Variants in GRID1 observed in about 807,000 individuals in gnomAD.
The protein encoded by GRID1 is glutamate ionotropic receptor delta type subunit 1, also known as glutamate receptor ionotropic, delta-1.
In GRID1, 28 loss-of-function variants were observed where a neutral mutation model predicts 98.0. That is an observed-to-expected ratio of 0.29 (90% CI 0.21 to 0.39). The LOEUF (loss-of-function observed/expected upper bound fraction) is 0.39, where lower values mean the gene tolerates loss of function less well. Ranked by LOEUF, GRID1 falls within the 10% of genes least tolerant of loss-of-function variation. The pLI is 1.00. For missense variants in GRID1, 1,111 were observed against 1,340.5 expected, an observed-to-expected ratio of 0.83 and a Z score of 2.67; for synonymous variants, 553 against 538.5, an observed-to-expected ratio of 1.03 and a Z score of -0.37.
chr10:86,149,270 T>C (rs1404572192), intron 3 of GRID1, among the ~76,000 whole-genome samples: 1 of 152,266 alleles, frequency 6.6e-6, no homozygotes, highest in African/African-American at 2.4e-5. Flanking sequence ...AACAAGTTTC[T>C]GCCTCTAATA....
chr10:85,729,466 C>T (rs746005787), intron 9 of GRID1, 47 bp downstream of exon 9: 6 of 1,084,246 alleles, frequency 5.5e-6, no homozygotes, highest in African/African-American at 3.1e-5. Flanking sequence ...TCTGATTCAA[C>T]AGCCTGGATG....
chr10:85,632,524 C>T (rs531565211), intron 13 of GRID1, among the ~76,000 whole-genome samples: 104 of 150,736 alleles, frequency 6.9e-4, no homozygotes, highest in Non-Finnish European at 1.3e-3. Context: ...GGTGTTGGAA[C>T]AAGGCCCACC....
chr10:85,934,213 GTA>G (rs1197222941), intron 4 of GRID1, among the ~76,000 whole-genome samples: 1 of 152,120 alleles, frequency 6.6e-6, no homozygotes, highest in Non-Finnish European at 1.5e-5. Flanking sequence ...CTTCATGGAG[GTA>G]CTGGGCTGAA....
At chr10:85,932,249 A>G (rs1034319900) in intron 4 of GRID1, among the ~76,000 whole-genome samples, 9 of 152,102 alleles carry the variant, frequency 5.9e-5, no homozygotes, top group African/African-American at 2.2e-4. Flanking sequence ...GTCTCCCTCT[A>G]TCACCCAGGC....
At chr10:86,090,340 G>A (rs927413943) in intron 4 of GRID1, among the ~76,000 whole-genome samples, 1 of 151,934 alleles carries the variant, frequency 6.6e-6, no homozygotes, top group Admixed American at 6.5e-5. Context: ...TTGAACCTGG[G>A]AGGCAGAGGT....
At chr10:85,818,519 A>C (rs1349047536) in intron 8 of GRID1, among the ~76,000 whole-genome samples, 1 of 152,234 alleles carries the variant, frequency 6.6e-6, no homozygotes, top group East Asian at 1.9e-4. Flanking sequence ...AATAAGCCAG[A>C]TACCAATAAA....
At chr10:85,842,741 A>C (rs887941214) in intron 8 of GRID1, among the ~76,000 whole-genome samples, 2 of 152,090 alleles carry the variant, frequency 1.3e-5, no homozygotes, top group African/African-American at 4.8e-5. Context: ...AGAGAAATTT[A>C]ATTTGTAATT....
intron 8 of GRID1, among the ~76,000 whole-genome samples, chr10:85,844,420 TACAC>T (rs55706189): frequency 0.053 from 7,126 of 133,702 alleles, 177 homozygotes; most frequent in East Asian, 0.07. Flanking sequence ...TACAACTAAA[TACAC>T]ACACACACAC....
chr10:85,830,607 A>C (rs1842859540), intron 8 of GRID1, among the ~76,000 whole-genome samples: 1 of 152,156 alleles, frequency 6.6e-6, no homozygotes, highest in Non-Finnish European at 1.5e-5. Flanking sequence ...TAAGGAACTT[A>C]AATGAATTTA....
At chr10:86,005,179 C>T (rs1237584536) in intron 4 of GRID1, among the ~76,000 whole-genome samples, 1 of 152,056 alleles carries the variant, frequency 6.6e-6, no homozygotes, top group Non-Finnish European at 1.5e-5. Context: ...GTACTAGGAT[C>T]ACTGAAAGGA....
chr10:85,636,753 C>A (rs1240233278), intron 13 of GRID1, among the ~76,000 whole-genome samples: 1 of 152,036 alleles, frequency 6.6e-6, no homozygotes, highest in Non-Finnish European at 1.5e-5. Context: ...AATCCACTGA[C>A]AAATAAATAT....
At position 85,704,199 on chromosome 10, in the gene GRID1, T is replaced by C. The variant is rs568524489; in HGVS notation, c.1997+18804A>G. Among the ~76,000 whole-genome samples the C allele has an allele frequency of 6.8e-4, 104 of 152,184 alleles. 1 individual carries two copies. The highest frequency in any genetic ancestry group is 2.5e-3 in the Admixed American group (38 of 15,286). On this transcript the variant is annotated intron_variant, in intron 12 of 15. Transcript: ENST00000327946. ...AAATTGGATAAAGAGTCAAGACCCA[T>C]CAGTGTGCTGTATTCAGGAAACCCA...
chr10:86,281,605 C>A (rs1847357693), intron 2 of GRID1, among the ~76,000 whole-genome samples: 1 of 152,176 alleles, frequency 6.6e-6, no homozygotes, highest in African/African-American at 2.4e-5. Flanking sequence ...TTCAGGAGAG[C>A]CATGCCCAAC....
At chr10:86,295,585 G>A (rs1355611991) in intron 2 of GRID1, among the ~76,000 whole-genome samples, 1 of 152,224 alleles carries the variant, frequency 6.6e-6, no homozygotes, top group Non-Finnish European at 1.5e-5. Flanking sequence ...GATGCGGAAA[G>A]AGAGGGGAAG....
intron 4 of GRID1, among the ~76,000 whole-genome samples, chr10:85,993,345 C>G (rs187570407): frequency 6.6e-6 from 1 of 152,298 alleles, no homozygotes; most frequent in Admixed American, 6.5e-5. Context: ...TCTAATTCTC[C>G]GATCAATGGT....
At chr10:86,205,167 GAGA>G (rs1357311948) in intron 3 of GRID1, among the ~76,000 whole-genome samples, 4 of 152,374 alleles carry the variant, frequency 2.6e-5, no homozygotes, top group East Asian at 1.9e-4. Flanking sequence ...TCCAGTCTTA[GAGA>G]AGAAGAGTAT....
intron 2 of GRID1, among the ~76,000 whole-genome samples, chr10:86,237,622 C>T (rs1393054607): frequency 1.3e-5 from 2 of 152,142 alleles, no homozygotes; most frequent in East Asian, 3.9e-4. Flanking sequence ...ATGGCATGAA[C>T]CCAGGAGGCG....
At position 86,115,444 on chromosome 10, in the gene GRID1, T is replaced by G. The variant is rs1844562093; in HGVS notation, c.726+23375A>C. 2.0e-5 allele frequency among the ~76,000 whole-genome samples: 3 copies of G among 152,350 alleles called. No individual in the cohort carries two copies. The South Asian group carries it at 6.2e-4, about 32-fold the overall frequency. ...AAGTCCCAAGTCTCTCCTGCCTATG[T>G]TAAACACGATAGCAGCTAACACCCC... On this transcript the variant is annotated intron_variant, in intron 4 of 15. Transcript: ENST00000327946.
chr10:86,116,024 C>CT (rs1308215446), intron 4 of GRID1, among the ~76,000 whole-genome samples: 1 of 152,176 alleles, frequency 6.6e-6, no homozygotes, highest in African/African-American at 2.4e-5. Context: ...GAGCGATAGG[C>CT]TGTACCATAA....
Sources: gnomAD v4.1 joint callset for allele counts (sites outside exome capture counted in the v4.1 genomes callset) on GRCh38, gnomAD v4.1.1 for gene constraint, MANE v1.5 for transcripts, NCBI Gene and HGNC (gene_info 2026-07-23, HGNC 2026-07-21) for gene names.